NFX1: variants seen among roughly 807,000 people sequenced by gnomAD.
NFX1 encodes transcriptional repressor NF-X1.
Under a neutral mutation model 137.2 loss-of-function variants are expected in NFX1, and 69 were observed. The ratio of observed to expected loss-of-function variants is 0.50; its 90% CI spans 0.41 to 0.61. The LOEUF is 0.61. NFX1 is among the 20% of genes least tolerant of loss of function. NFX1 has a pLI of 0.00. For synonymous variants in NFX1, 495 were observed against 474.1 expected (o/e 1.04, Z -0.57); for missense variants, 1,167 against 1,391.0 (o/e 0.84, Z 2.56).
At chr9:33,342,725 A>G in intron 12 of NFX1, 21 bp from the exon 13 acceptor site, 1 of 1,535,770 alleles carries the variant, frequency 6.5e-7, no homozygotes, top group Non-Finnish European at 8.9e-7. Context: ...TTTATGAACA[A>G]ATATAAATCT....
intron 1 of NFX1, among the ~76,000 whole-genome samples, chr9:33,292,196 C>T (rs1821186992): frequency 6.6e-6 from 1 of 152,186 alleles, no homozygotes; most frequent in South Asian, 2.1e-4. Flanking sequence ...CAGAAAGTAT[C>T]TAATGAGGCA....
At chr9:33,325,533 G>A (rs1463813334) in intron 9 of NFX1, among the ~76,000 whole-genome samples, 3 of 152,086 alleles carry the variant, frequency 2.0e-5, no homozygotes, top group Non-Finnish European at 2.9e-5. Flanking sequence ...GCATGGTGGC[G>A]GGCACCTGTA....
At chr9:33,291,859 T>G (rs1821174192) in intron 1 of NFX1, among the ~76,000 whole-genome samples, 1 of 152,108 alleles carries the variant, frequency 6.6e-6, no homozygotes, top group African/African-American at 2.4e-5. Flanking sequence ...GCCAAGATCG[T>G]GCCACTGCAC....
rs1469283285 is a variant in NFX1, at chr9:33,328,562, CTT to C, written c.1907-16_1907-15del. 6.3e-7 allele frequency: 1 copy of C among 1,585,248 alleles called. No individual in the cohort carries two copies. Among genetic ancestry groups the C allele is most frequent in the Admixed American group, 1.7e-5 (1 of 58,946 alleles). ...GTAGTTGCAGTTTTCATTTCCAGCT[CTT>C]TTCGTTTTTATTAAAGATTTCATTC... On this transcript the variant is annotated splice_polypyrimidine_tract_variant and intron_variant, in intron 9 of 23. Transcript: ENST00000379540.
intron 23 of NFX1, 31 bp downstream of exon 23, chr9:33,367,650 CCTGT>C (rs1824209520): frequency 6.2e-7 from 1 of 1,604,450 alleles, no homozygotes; most frequent in Non-Finnish European, 8.5e-7. Flanking sequence ...TCCAAGGGGA[CCTGT>C]CTGTCCAGAA....
intron 2 of NFX1, among the ~76,000 whole-genome samples, chr9:33,300,538 A>T (rs1170953868): frequency 8.5e-5 from 13 of 152,134 alleles, no homozygotes; most frequent in Admixed American, 8.5e-4. Context: ...ACACACTCAC[A>T]CTCAGTTTTG....
chr9:33,349,547 T>C (rs1823559142), intron 15 of NFX1, among the ~76,000 whole-genome samples: 1 of 152,122 alleles, frequency 6.6e-6, no homozygotes, highest in Non-Finnish European at 1.5e-5. Context: ...GGGGAGAAGT[T>C]GTGTGTCACT....
At chr9:33,316,668 T>A (rs1245810920) in intron 7 of NFX1, among the ~76,000 whole-genome samples, 5 of 152,214 alleles carry the variant, frequency 3.3e-5, no homozygotes, top group African/African-American at 9.7e-5. Context: ...ATCTAGAGAT[T>A]AATAAGCATT....
Position 33,313,675 on chromosome 9 carries a change from G to T in NFX1, c.1470G>T (p.Gln490His), listed in dbSNP as rs1457328531. The T allele has an allele frequency of 6.2e-7, 1 of 1,614,168 alleles. No homozygotes were observed. The highest frequency in any genetic ancestry group is 1.1e-5 in the South Asian group (1 of 91,082). The change falls in exon 7 of 24, where the codon CAG (glutamine) becomes CAT (histidine). Residue 490 changes from glutamine (Q) to histidine (H), a missense_variant. Physicochemically the swap from Gln to His is conservative, Grantham distance 24 (BLOSUM62 0). Coordinates refer to ENST00000379540, the MANE Select transcript of NFX1 (RefSeq NM_002504.6). ...GRTRHTVRCG[Q>H]AVSVHCSNPC... is the part of the protein sequence containing the mutation. ...ACAGGCACACAGTTCGCTGTGGTCA[G>T]GCTGTCTCAGTCCACTGTTCTAACC...
chr9:33,362,765 G>A (rs1375769739), intron 19 of NFX1, among the ~76,000 whole-genome samples: 3 of 140,252 alleles, frequency 2.1e-5, no homozygotes, highest in Non-Finnish European at 3.0e-5. Flanking sequence ...GTGCAATGGC[G>A]CTATCTCAGC....
chr9:33,311,299 T>C lies in NFX1; in HGVS notation c.1448+122T>C, dbSNP rs994224097. On this transcript the variant is annotated intron_variant, in intron 6 of 23. Coordinates refer to ENST00000379540, the MANE Select transcript of NFX1 (RefSeq NM_002504.6). The stretch of plus-strand genomic sequence containing the variant: ...TAAATGGTAGGCATGAATAGTACTT[T>C]TTTTTTTTCAGGAGTGAAAGTTTAT... 1.3e-4 allele frequency: 114 copies of C among 886,544 alleles called. 1 individual carries two copies. The African/African-American group carries it at 1.7e-3, about 13-fold the overall frequency. The allele number at this position is 886,544 out of a possible 1,614,324, so 54.9% of individuals were successfully genotyped here. A position where few individuals can be genotyped will look rare whatever the true frequency, so the allele number is the denominator to read the frequency against.
intron 2 of NFX1, among the ~76,000 whole-genome samples, chr9:33,299,462 A>G (rs1283806950): frequency 6.6e-6 from 1 of 152,170 alleles, no homozygotes; most frequent in Non-Finnish European, 1.5e-5. Flanking sequence ...AGTCAAGAGG[A>G]TCACCTGAGC....
intron 4 of NFX1, among the ~76,000 whole-genome samples, chr9:33,306,090 A>G (rs565114565): frequency 3.1e-4 from 47 of 152,348 alleles, no homozygotes; most frequent in African/African-American, 1.1e-3. Flanking sequence ...AAAAAAGCAC[A>G]GAGGCAGGGA....
At chr9:33,350,014 A>C (rs997899842) in intron 15 of NFX1, among the ~76,000 whole-genome samples, 7 of 152,084 alleles carry the variant, frequency 4.6e-5, no homozygotes, top group African/African-American at 1.7e-4. Flanking sequence ...CTCAAAAAAA[A>C]CAAAACAGGC....
intron 9 of NFX1, among the ~76,000 whole-genome samples, chr9:33,326,544 T>G (rs1175261908): frequency 3.3e-5 from 5 of 151,750 alleles, no homozygotes; most frequent in Admixed American, 1.3e-4. Context: ...CGTAGTGAGA[T>G]TTAATCCCTC....
chr9:33,311,966 G>A (rs115864484), intron 6 of NFX1, among the ~76,000 whole-genome samples: 1,551 of 152,202 alleles, frequency 0.01, 26 homozygotes, highest in African/African-American at 0.036. Context: ...GCATCTAAGA[G>A]TCTTTTAATG....
chr9:33,301,252 T>G lies in NFX1; in HGVS notation c.1034-11T>G. The G allele has an allele frequency of 6.2e-7, 1 of 1,609,466 alleles. No individual in the cohort carries two copies. Among genetic ancestry groups the G allele is most frequent in the Non-Finnish European group, 8.5e-7 (1 of 1,178,150 alleles). On this transcript the variant is annotated splice_polypyrimidine_tract_variant and intron_variant, in intron 2 of 23. Transcript: ENST00000379540. The stretch of plus-strand genomic sequence containing the variant: ...GAGTTAATCTTTTTTGTTATTTTGT[T>G]TTTTAAACAGGTTCTCTAATTGAAC...
intron 11 of NFX1, among the ~76,000 whole-genome samples, chr9:33,336,535 T>A (rs570658670): frequency 1.2e-4 from 19 of 152,300 alleles, no homozygotes; most frequent in Admixed American, 1.2e-3. Flanking sequence ...TTTTAAATCA[T>A]AGCCATCCTA....
chr9:33,315,398 A>C (rs1822121962), intron 7 of NFX1, among the ~76,000 whole-genome samples: 1 of 152,108 alleles, frequency 6.6e-6, no homozygotes, highest in South Asian at 2.1e-4. Flanking sequence ...TAATCGTCCC[A>C]GTTTTTTCTT....
Sources: allele counts gnomAD v4.1 joint callset (sites outside exome capture counted in the v4.1 genomes callset), GRCh38; gene constraint gnomAD v4.1.1; transcripts MANE v1.5; gene names NCBI Gene and HGNC (gene_info 2026-07-23, HGNC 2026-07-21).